The following OIP5 variants were observed in gnomAD, a reference collection of about 807,000 sequenced individuals.
OIP5 encodes the protein Opa interacting protein 5.
A neutral mutation model predicts 20.3 loss-of-function variants in OIP5; 24 were observed. The ratio of observed to expected loss-of-function variants is 1.18; its 90% CI spans 0.86 to 1.66. The LOEUF (loss-of-function observed/expected upper bound fraction) is 1.66. OIP5 is among the 40% of genes most tolerant of loss of function. The probability of loss-of-function intolerance (pLI) is 0.00; values close to 1 mark genes in which losing one functional copy is unlikely to be tolerated. For missense variants in OIP5, 339 were observed against 289.5 expected (o/e 1.17, Z -1.24); for synonymous variants, 143 against 121.3 (o/e 1.18, Z -1.17).
At chr15:41,322,474 C>G (rs1344342244) in intron 2 of OIP5, among the ~76,000 whole-genome samples, 1 of 152,084 alleles carries the variant, frequency 6.6e-6, no homozygotes, top group African/African-American at 2.4e-5. Context: ...TCATAGCTCA[C>G]TGCAGCCTTG....
At chr15:41,320,436 C>T (rs1002478443) in intron 2 of OIP5, among the ~76,000 whole-genome samples, 1 of 152,202 alleles carries the variant, frequency 6.6e-6, no homozygotes, top group African/African-American at 2.4e-5. Flanking sequence ...CGCCGCCACA[C>T]TTGACAGGTT....
rs138743593 is a variant in OIP5, at chr15:41,326,563, G to A, written c.389+5352C>T. Among the ~76,000 whole-genome samples the A allele has an allele frequency of 3.9e-3, 588 of 152,266 alleles. 3 individuals are homozygous for A. Among genetic ancestry groups the A allele is most frequent in the South Asian group, 0.021 (101 of 4,820 alleles). On this transcript the variant is annotated intron_variant, in intron 2 of 4. Coordinates refer to ENST00000220514, the MANE Select transcript of OIP5 (RefSeq NM_007280.2). ...CTCGGCCTCCCAAGTGAGTAGCTGG[G>A]ATTACAGGCGTGCACCACCACGCTT...
chr15:41,332,016 T>C (rs949695810), intron 1 of OIP5, 35 bp from the exon 2 acceptor site: 3 of 1,602,288 alleles, frequency 1.9e-6, no homozygotes, highest in Non-Finnish European at 2.6e-6. Flanking sequence ...ACCCATACTC[T>C]GCGGGCCTTG....
intron 3 of OIP5, among the ~76,000 whole-genome samples, chr15:41,314,075 T>C (rs1201689027): frequency 6.6e-6 from 1 of 152,082 alleles, no homozygotes; most frequent in Non-Finnish European, 1.5e-5. Flanking sequence ...TGAGACATAG[T>C]GTTGGTCACC....
intron 2 of OIP5, among the ~76,000 whole-genome samples, chr15:41,328,391 G>A (rs912193878): frequency 6.6e-5 from 10 of 152,092 alleles, no homozygotes; most frequent in Admixed American, 4.6e-4. Flanking sequence ...GGTAGACAGA[G>A]GTTCATTATA....
At chr15:41,320,487 C>A (rs941196849) in intron 2 of OIP5, among the ~76,000 whole-genome samples, 5 of 152,176 alleles carry the variant, frequency 3.3e-5, no homozygotes. Context: ...GCTGTGTTGG[C>A]TGGGCTGGTC....
chr15:41,317,108 G>T (rs1341962916), intron 3 of OIP5, among the ~76,000 whole-genome samples: 4 of 152,134 alleles, frequency 2.6e-5, no homozygotes, highest in African/African-American at 7.2e-5. Context: ...TAATTCATGA[G>T]AAAGGATAAC....
At chr15:41,318,780 G>C (rs1481700190) in intron 3 of OIP5, among the ~76,000 whole-genome samples, 1 of 147,410 alleles carries the variant, frequency 6.8e-6, no homozygotes, top group Admixed American at 6.8e-5. Flanking sequence ...ATGTAACCTT[G>C]AACTCCTGGG....
At chr15:41,324,853 T>A (rs892856146) in intron 2 of OIP5, among the ~76,000 whole-genome samples, 2 of 152,204 alleles carry the variant, frequency 1.3e-5, no homozygotes, top group Non-Finnish European at 2.9e-5. Flanking sequence ...CTAAGCTTAA[T>A]CATTTCTAGC....
At chr15:41,315,170 G>A (rs898620938) in intron 3 of OIP5, among the ~76,000 whole-genome samples, 5 of 150,904 alleles carry the variant, frequency 3.3e-5, no homozygotes, top group African/African-American at 1.2e-4. Context: ...TGGCTTATGC[G>A]TGTAATCCCA....
In OIP5 at chr15:41,313,365, A is replaced by G. The variant is rs755251380; in HGVS notation, c.513-11T>C. Reference sequence around the variant, plus strand: ...GTTTTTAAGAGATAGCTAGATAGGAAAAAAGAAAAATATTAGTGTCATACC... The same window carrying G: ...GTTTTTAAGAGATAGCTAGATAGGAGAAAAGAAAAATATTAGTGTCATACC... On this transcript the variant is annotated splice_polypyrimidine_tract_variant and intron_variant, in intron 3 of 4. Transcript: ENST00000220514. The G allele has an allele frequency of 6.9e-7, 1 of 1,455,656 alleles. No homozygotes were observed. The allele number at this position is 1,455,656 out of a possible 1,614,324, so 90.2% of individuals were successfully genotyped here.
intron 3 of OIP5, among the ~76,000 whole-genome samples, chr15:41,315,377 T>G (rs2047783398): frequency 6.7e-6 from 1 of 148,538 alleles, no homozygotes; most frequent in South Asian, 2.1e-4. Flanking sequence ...TGCAATGAGC[T>G]GAGATCACAC....
chr15:41,332,048 G>T, intron 1 of OIP5, 67 bp from the exon 2 acceptor site: 1 of 1,489,960 alleles, frequency 6.7e-7, no homozygotes, highest in Non-Finnish European at 9.4e-7. Context: ...CTCTCCTCTA[G>T]ACAGACTCAT....
rs780447313 is a variant in OIP5 at position 41,332,534 on chromosome 15, A to G, written c.28T>C (p.Ser10Pro). 1.8e-5 allele frequency: 29 copies of G among 1,610,844 alleles called. No individual in the cohort carries two copies. The highest frequency in any genetic ancestry group is 2.5e-5 in the Non-Finnish European group (29 of 1,178,660). Residue 10 changes from serine to proline, a missense_variant, in exon 1 of 5, where the codon TCA (serine) becomes CCA (proline). Transcript: ENST00000220514. ...CCCCGGGGCGGCGTTGCACAACGTGAGCGATGCCGCAGCGGCTGAGCCGCC... is the reference window on the plus strand; with the variant it reads ...CCCCGGGGCGGCGTTGCACAACGTGGGCGATGCCGCAGCGGCTGAGCCGCC... MAAQPLRHR[S>P]RCATPPRGDF...
chr15:41,332,174 G>C (rs982653123), intron 1 of OIP5, 66 bp downstream of exon 1: 3 of 1,492,812 alleles, frequency 2.0e-6, no homozygotes, highest in Non-Finnish European at 9.0e-7. Flanking sequence ...CCGCCACCCG[G>C]TGGAGAAAGC....
At chr15:41,312,164 CTTTTTTTT>C (rs1180916308) in intron 4 of OIP5, among the ~76,000 whole-genome samples, 4 of 88,126 alleles carry the variant, frequency 4.5e-5, no homozygotes, top group African/African-American at 1.3e-4. Flanking sequence ...TTCTTTTTTT[CTTTTTTTT>C]TTTTTTGAGA....
At chr15:41,330,489 C>A (rs1045903325) in intron 2 of OIP5, among the ~76,000 whole-genome samples, 18 of 151,028 alleles carry the variant, frequency 1.2e-4, no homozygotes, top group Non-Finnish European at 2.5e-4. Flanking sequence ...CTGCAAGCTC[C>A]GCCTCCCGGG....
chr15:41,327,079 A>T (rs202077069), intron 2 of OIP5, among the ~76,000 whole-genome samples: 31,696 of 147,928 alleles, frequency 0.21, 3,516 homozygotes, highest in Non-Finnish European at 0.25. Context: ...CCAGGAATTA[A>T]AAAAAAAAAA....
In OIP5 at chr15:41,309,934, G is replaced by T; in HGVS notation, c.595-85C>A. Reference sequence around the variant, plus strand: ...GACAGGGTCTCACTCTGTTGCCTGAGCTGGAGTACAGTGGCACATTCATAG... The same window carrying T: ...GACAGGGTCTCACTCTGTTGCCTGATCTGGAGTACAGTGGCACATTCATAG... On this transcript the variant is annotated intron_variant, in intron 4 of 4. Transcript: ENST00000220514. The T allele has an allele frequency of 4.6e-6, 4 of 875,628 alleles. No individual in the cohort carries two copies. The South Asian group carries it at 4.9e-5, about 11-fold the overall frequency. The allele number at this position is 875,628 out of a possible 1,614,324, so 54.2% of individuals were successfully genotyped here.
Sources: allele counts gnomAD v4.1 joint callset (sites outside exome capture counted in the v4.1 genomes callset), GRCh38; gene constraint gnomAD v4.1.1; transcripts MANE v1.5; gene names NCBI Gene and HGNC (gene_info 2026-07-23, HGNC 2026-07-21).